The following RXRA variants were observed in gnomAD, a reference collection of about 807,000 sequenced individuals.
RXRA encodes the protein retinoid X receptor alpha.
Under a neutral mutation model 44.5 loss-of-function variants are expected in RXRA, and 5 were observed. The observed-to-expected ratio is 0.11, with a 90% CI of 0.06 to 0.24. RXRA has a LOEUF of 0.24. Ranked by LOEUF, RXRA falls within the 10% of genes least tolerant of loss-of-function variation. RXRA has a pLI of 1.00. For synonymous variants in RXRA, 291 were observed against 271.4 expected, an observed-to-expected ratio of 1.07 and a Z score of -0.71; for missense variants, 412 against 646.5, an observed-to-expected ratio of 0.64 and a Z score of 3.93.
intron 1 of RXRA, among the ~76,000 whole-genome samples, chr9:134,327,758 C>T (rs1834940901): frequency 6.6e-6 from 1 of 152,114 alleles, no homozygotes; most frequent in Admixed American, 6.5e-5. Context: ...CCAGCATGGA[C>T]CTAGCCCCTC....
At chr9:134,406,637 G>A (rs1042513230) in intron 2 of RXRA, among the ~76,000 whole-genome samples, 3 of 152,258 alleles carry the variant, frequency 2.0e-5, no homozygotes, top group South Asian at 2.1e-4. Flanking sequence ...GGTGCCTCCC[G>A]GAGCCCAGCA....
intron 1 of RXRA, among the ~76,000 whole-genome samples, chr9:134,360,106 A>G (rs557427618): frequency 6.6e-6 from 1 of 152,040 alleles, no homozygotes; most frequent in Admixed American, 6.5e-5. Flanking sequence ...GAGGCCGCTG[A>G]GGGGCCCCAG....
At chr9:134,406,885 A>G (rs1317965250) in intron 2 of RXRA, among the ~76,000 whole-genome samples, 1 of 152,202 alleles carries the variant, frequency 6.6e-6, no homozygotes, top group African/African-American at 2.4e-5. Context: ...TTGCCCCTTC[A>G]GTTCCCTCCC....
intron 7 of RXRA, 90 bp downstream of exon 7, chr9:134,429,330 C>A: frequency 1.5e-6 from 2 of 1,346,426 alleles, no homozygotes; most frequent in Non-Finnish European, 2.1e-6. Flanking sequence ...CGGTGCACAT[C>A]CTGCCTAGTA....
intron 1 of RXRA, among the ~76,000 whole-genome samples, chr9:134,352,389 C>T (rs978244745): frequency 6.6e-6 from 1 of 152,014 alleles, no homozygotes; most frequent in African/African-American, 2.4e-5. Flanking sequence ...ATGAGGAAGC[C>T]GGAGGGGCCA....
At chr9:134,380,604 A>G (rs749466239) in intron 1 of RXRA, among the ~76,000 whole-genome samples, 88 of 151,836 alleles carry the variant, frequency 5.8e-4, no homozygotes, top group Middle Eastern at 6.8e-3. Flanking sequence ...ACCTAGTGCC[A>G]TGGGGTCCCT....
chr9:134,363,675 G>A (rs535215244), intron 1 of RXRA, among the ~76,000 whole-genome samples: 5 of 152,338 alleles, frequency 3.3e-5, no homozygotes, highest in Non-Finnish European at 5.9e-5. Flanking sequence ...TGGCTGGCAC[G>A]GTTTGGCTGC....
chr9:134,367,041 G>A (rs1436078470), intron 1 of RXRA, among the ~76,000 whole-genome samples: 1 of 152,114 alleles, frequency 6.6e-6, no homozygotes, highest in Non-Finnish European at 1.5e-5. Context: ...GTTGAGATAC[G>A]GGTCACCTCC....
intron 6 of RXRA, chr9:134,424,604 G>C: frequency 1.0e-6 from 1 of 985,424 alleles, no homozygotes; most frequent in Non-Finnish European, 1.2e-6. Context: ...CTGTCTGCCG[G>C]GGCCAGCAGC....
At chr9:134,408,869 C>A in intron 3 of RXRA, 71 bp from the exon 4 acceptor site, 1 of 1,384,736 alleles carries the variant, frequency 7.2e-7, no homozygotes, top group Non-Finnish European at 9.6e-7. Context: ...GTAGTGGCGG[C>A]GTTGGATGGG....
rs112550333 is a variant in RXRA at position 134,358,249 on chromosome 9, C to T, written c.28+31590C>T. Among the ~76,000 whole-genome samples, 139 of 152,324 alleles carry T rather than the reference C, an allele frequency of 9.1e-4. 1 individual carries two copies. Among genetic ancestry groups the T allele is most frequent in the Middle Eastern group, 3.4e-3 (1 of 294 alleles). On this transcript the variant is annotated intron_variant, in intron 1 of 9. Transcript: ENST00000481739. ...GCCCTTGCTGGAGGGCTCTGGCTCA[C>T]GAGCCAGGAGATGGGCACCAGTCCT...
chr9:134,428,394 A>G (rs1197864092), intron 6 of RXRA, among the ~76,000 whole-genome samples: 49 of 79,306 alleles, frequency 6.2e-4, no homozygotes, highest in African/African-American at 8.5e-4. Context: ...CTATGTTGAG[A>G]GGCTGCTGTT....
intron 1 of RXRA, among the ~76,000 whole-genome samples, chr9:134,335,979 C>T (rs370351940): frequency 1.3e-5 from 2 of 152,236 alleles, no homozygotes; most frequent in African/African-American, 2.4e-5. Flanking sequence ...GCCCTCTCCC[C>T]ACCCGGAGGG....
chr9:134,384,157 G>T (rs2119107903), intron 1 of RXRA, among the ~76,000 whole-genome samples: 1 of 151,978 alleles, frequency 6.6e-6, no homozygotes, highest in South Asian at 2.1e-4. Flanking sequence ...CCCCCGGGGG[G>T]AGTCCTGGAC....
intron 1 of RXRA, among the ~76,000 whole-genome samples, chr9:134,328,082 C>T (rs1015786531): frequency 1.7e-4 from 26 of 152,174 alleles, no homozygotes; most frequent in Non-Finnish European, 7.3e-5. Flanking sequence ...GGGAATGCTG[C>T]GCTGTCTGTG....
intron 1 of RXRA, among the ~76,000 whole-genome samples, chr9:134,357,669 G>A (rs1238061306): frequency 1.3e-5 from 2 of 152,176 alleles, no homozygotes; most frequent in Non-Finnish European, 2.9e-5. Context: ...CTTTGCTAGG[G>A]AATGCCCTGC....
At chr9:134,361,881 C>T (rs1830356597) in intron 1 of RXRA, among the ~76,000 whole-genome samples, 1 of 152,184 alleles carries the variant, frequency 6.6e-6, no homozygotes, top group South Asian at 2.1e-4. Context: ...CTCAGGGTCC[C>T]CATCTGTAGA....
chr9:134,338,383 C>A lies in RXRA; in HGVS notation c.28+11724C>A, dbSNP rs1554747621. The stretch of plus-strand genomic sequence containing the variant: ...CCTCATGTCAGGGTGCCCCTGGCTG[C>A]AGGACACAGGCCACTTCTGGTCCCA... On this transcript the variant is annotated intron_variant, in intron 1 of 9. Transcript: ENST00000481739. 6.6e-5 allele frequency among the ~76,000 whole-genome samples: 10 copies of A among 152,222 alleles called. 1 individual carries two copies.
intron 4 of RXRA, among the ~76,000 whole-genome samples, chr9:134,411,869 G>T (rs1831154581): frequency 6.6e-6 from 1 of 152,176 alleles, no homozygotes; most frequent in Non-Finnish European, 1.5e-5. Context: ...GCCTGGCTGT[G>T]TGGGCTGCAC....
Sources: gnomAD v4.1 joint callset for allele counts (sites outside exome capture counted in the v4.1 genomes callset) on GRCh38, gnomAD v4.1.1 for gene constraint, MANE v1.5 for transcripts, NCBI Gene and HGNC (gene_info 2026-07-23, HGNC 2026-07-21) for gene names.